The following ATOSA variants were observed in gnomAD, a reference collection of about 807,000 sequenced individuals.
The protein encoded by ATOSA is atos homolog protein A.
chr15:52,660,130 T>C, the ATOSA span, among the ~76,000 whole-genome samples: 3 of 152,326 alleles, frequency 2.0e-5, no homozygotes, highest in South Asian at 6.2e-4. Context: ...TATGATATCT[T>C]AGAACTTACA....
At chr15:52,627,392 A>G in the ATOSA span, among the ~76,000 whole-genome samples, 8 of 152,230 alleles carry the variant, frequency 5.3e-5, no homozygotes, top group Non-Finnish European at 1.0e-4. Flanking sequence ...CTATTAGTAC[A>G]GGGGCCAGGT....
chr15:52,582,431 T>C, the ATOSA span: 2 of 737,324 alleles, frequency 2.7e-6, no homozygotes, highest in East Asian at 3.2e-5. Context: ...ACTAACTCTT[T>C]AACATGATAT....
the ATOSA span, chr15:52,587,320 T>C: frequency 1.0e-6 from 1 of 991,510 alleles, no homozygotes; most frequent in African/African-American, 1.7e-5. Context: ...TTCAGAATTC[T>C]ATTTCTATGG....
At chr15:52,702,306 C>T in the ATOSA span, among the ~76,000 whole-genome samples, 3 of 152,154 alleles carry the variant, frequency 2.0e-5, no homozygotes, top group Non-Finnish European at 4.4e-5. Context: ...GACACATGCA[C>T]TCACATGTTC....
chr15:52,692,478 T>G, the ATOSA span, among the ~76,000 whole-genome samples: 2 of 151,980 alleles, frequency 1.3e-5, no homozygotes, highest in Non-Finnish European at 2.9e-5. Context: ...CACCTCAGCC[T>G]CCTGAGTAAC....
the ATOSA span, chr15:52,605,182 G>A: frequency 1.9e-6 from 3 of 1,611,338 alleles, no homozygotes; most frequent in African/African-American, 2.7e-5. Flanking sequence ...GGCTCTGGTT[G>A]AAGTTCCATC....
chr15:52,678,833 G>A, the ATOSA span: 1 of 153,392 alleles, frequency 6.5e-6, no homozygotes, highest in Non-Finnish European at 1.4e-5. Flanking sequence ...CGCACCGAGC[G>A]CCGCGTCTGC....
chr15:52,581,747 T>C, the ATOSA span: 1 of 155,312 alleles, frequency 6.4e-6, no homozygotes, highest in African/African-American at 2.4e-5. Flanking sequence ...AATTAAAGAC[T>C]TGTGCATATA....
At chr15:52,693,980 A>C in the ATOSA span, among the ~76,000 whole-genome samples, 1 of 151,932 alleles carries the variant, frequency 6.6e-6, no homozygotes, top group Admixed American at 6.6e-5. Flanking sequence ...TCTTTTGTTC[A>C]AGTTCTCTAA....
At chr15:52,604,776 G>A in the ATOSA span, among the ~76,000 whole-genome samples, 2 of 152,008 alleles carry the variant, frequency 1.3e-5, no homozygotes, top group African/African-American at 4.8e-5. Context: ...TTAAGTGAAG[G>A]GATTCCAAAT....
At chr15:52,708,726 G>A in the ATOSA span, among the ~76,000 whole-genome samples, 1 of 151,698 alleles carries the variant, frequency 6.6e-6, no homozygotes, top group Non-Finnish European at 1.5e-5. Context: ...TCTCCTCAGA[G>A]CTTCTTACCA....
At chr15:52,648,527 T>C in the ATOSA span, 3 of 152,258 alleles carry the variant, frequency 2.0e-5, no homozygotes, top group South Asian at 4.1e-4. Flanking sequence ...TTATTAACTA[T>C]AATTTCCTAT....
chr15:52,681,583 G>C, the ATOSA span, among the ~76,000 whole-genome samples: 1 of 152,200 alleles, frequency 6.6e-6, no homozygotes, highest in Non-Finnish European at 1.5e-5. Context: ...ACACCTCAGA[G>C]CACATAAACA....
the ATOSA span, among the ~76,000 whole-genome samples, chr15:52,674,340 C>G: frequency 9.9e-5 from 15 of 152,038 alleles, no homozygotes; most frequent in Non-Finnish European, 2.9e-5. Flanking sequence ...CATGAGCCAC[C>G]GCAACAGGCC....
At chr15:52,582,455 A>T in the ATOSA span, 3 of 656,076 alleles carry the variant, frequency 4.6e-6, no homozygotes, top group Non-Finnish European at 7.2e-6. Context: ...AGATCTTTCT[A>T]AAGACCAAAG....
the ATOSA span, among the ~76,000 whole-genome samples, chr15:52,702,779 CAA>C: frequency 0.02 from 1,809 of 91,858 alleles, 43 homozygotes; most frequent in African/African-American, 0.065. Flanking sequence ...AAAGTGTTTC[CAA>C]AAAAAAAAAA....
At chr15:52,623,778 T>C in the ATOSA span, among the ~76,000 whole-genome samples, 2 of 152,366 alleles carry the variant, frequency 1.3e-5, no homozygotes, top group East Asian at 3.9e-4. Flanking sequence ...TCAATTATTC[T>C]GAAGAGTATA....
chr15:52,613,965 A>G, the ATOSA span: 9 of 890,738 alleles, frequency 1.0e-5, no homozygotes, highest in East Asian at 2.4e-4. Flanking sequence ...TTCATTTAAC[A>G]TAGAGTGAAA....
At chr15:52,684,070 T>A in the ATOSA span, among the ~76,000 whole-genome samples, 1 of 152,372 alleles carries the variant, frequency 6.6e-6, no homozygotes, top group South Asian at 2.1e-4. Flanking sequence ...CCTTATTGAA[T>A]AGCACTATCC....
Sources: gnomAD v4.1 joint callset for allele counts (sites outside exome capture counted in the v4.1 genomes callset) on GRCh38, gnomAD v4.1.1 for gene constraint, MANE v1.5 for transcripts, NCBI Gene and HGNC (gene_info 2026-07-23, HGNC 2026-07-21) for gene names.